RASSF8: variants seen among roughly 807,000 people sequenced by gnomAD.
The protein encoded by RASSF8 is ras association domain-containing protein 8.
RASSF8 carries 22 observed loss-of-function variants against 48.5 expected under a neutral mutation model. The ratio of observed to expected loss-of-function variants is 0.45; its 90% CI spans 0.32 to 0.65. RASSF8 has a LOEUF of 0.65. Ranked by LOEUF, RASSF8 falls within the 30% of genes least tolerant of loss-of-function variation. The pLI is 0.03. For missense variants in RASSF8, 418 were observed against 489.2 expected, an observed-to-expected ratio of 0.85 and a Z score of 1.37; for synonymous variants, 127 against 171.5, an observed-to-expected ratio of 0.74 and a Z score of 2.03.
Position 26,028,855 on chromosome 12 carries a change from TC to T in RASSF8, c.-108-26380del, listed in dbSNP as rs552285539. Among the ~76,000 whole-genome samples the T allele has an allele frequency of 1.3e-3, 204 of 152,328 alleles. 3 individuals are homozygous for T. In the Middle Eastern group the frequency reaches 0.037, roughly 28 times the overall value. The stretch of plus-strand genomic sequence containing the variant: ...CACTAGGATAGATTAAAGATCTCTT[TC>T]TCTCCAATTCTATTGTAAAAGTATA... On this transcript the variant is annotated intron_variant, in intron 2 of 5. Coordinates refer to ENST00000689635, the MANE Select transcript of RASSF8 (RefSeq NM_001394098.1).
At chr12:25,964,371 CAGCAAAATATTTTCTTACTCATT>C (rs1319664155) in intron 1 of RASSF8, among the ~76,000 whole-genome samples, 4 of 151,390 alleles carry the variant, frequency 2.6e-5, no homozygotes, top group African/African-American at 7.3e-5. Context: ...TTTATGTATG[CAGCAAAATATTTTCTTACTCATT>C]AGCATATGTT....
chr12:25,991,827 G>A (rs1942021788), intron 1 of RASSF8, among the ~76,000 whole-genome samples: 2 of 151,614 alleles, frequency 1.3e-5, no homozygotes, highest in Admixed American at 1.3e-4. Flanking sequence ...GAAAACCATT[G>A]GGGGCCATTG....
At chr12:25,986,231 T>C (rs907881158) in intron 1 of RASSF8, among the ~76,000 whole-genome samples, 1 of 152,134 alleles carries the variant, frequency 6.6e-6, no homozygotes, top group Non-Finnish European at 1.5e-5. Flanking sequence ...TTAGATCTTC[T>C]TCCTCCAGGC....
chr12:26,031,873 T>A (rs1943037247), intron 2 of RASSF8, among the ~76,000 whole-genome samples: 1 of 152,352 alleles, frequency 6.6e-6, no homozygotes, highest in Admixed American at 6.5e-5. Context: ...GATGCTTCAA[T>A]GGCTTAATCT....
intron 3 of RASSF8, 101 bp downstream of exon 3, chr12:26,055,547 GT>G (rs1294693423): frequency 4.7e-6 from 5 of 1,052,760 alleles, no homozygotes; most frequent in Non-Finnish European, 7.3e-6. Flanking sequence ...TGTTCATTTG[GT>G]TCCATAATAA....
chr12:25,971,153 A>C (rs557406293), intron 1 of RASSF8, among the ~76,000 whole-genome samples: 2 of 152,310 alleles, frequency 1.3e-5, no homozygotes, highest in African/African-American at 4.8e-5. Context: ...CAAGGAATGC[A>C]AGTTGGTTCT....
chr12:25,996,359 A>T (rs1177733896), intron 2 of RASSF8, among the ~76,000 whole-genome samples: 1 of 152,232 alleles, frequency 6.6e-6, no homozygotes, highest in Admixed American at 6.5e-5. Flanking sequence ...TTTGACTACC[A>T]TTACTGATGA....
At chr12:26,066,487 A>G (rs1000931348) in intron 4 of RASSF8, among the ~76,000 whole-genome samples, 1 of 152,140 alleles carries the variant, frequency 6.6e-6, no homozygotes, top group Non-Finnish European at 1.5e-5. Context: ...CTACCACCCA[A>G]ATTTTGAAAA....
chr12:26,056,271 TTTC>T (rs1485842198), intron 3 of RASSF8, among the ~76,000 whole-genome samples: 1 of 152,202 alleles, frequency 6.6e-6, no homozygotes, highest in Non-Finnish European at 1.5e-5. Context: ...TGTTTTACCC[TTTC>T]TTCTTATTTA....
chr12:25,988,473 C>T (rs1194715922), intron 1 of RASSF8, among the ~76,000 whole-genome samples: 1 of 152,012 alleles, frequency 6.6e-6, no homozygotes, highest in East Asian at 1.9e-4. Context: ...AGAAAAATTT[C>T]CAGGGTGATT....
intron 2 of RASSF8, among the ~76,000 whole-genome samples, chr12:26,040,427 A>G (rs1943239110): frequency 6.6e-6 from 1 of 152,212 alleles, no homozygotes; most frequent in Admixed American, 6.5e-5. Flanking sequence ...GGAGTGGTGA[A>G]GTGGCATCTT....
At chr12:25,971,446 C>A (rs551324858) in intron 1 of RASSF8, among the ~76,000 whole-genome samples, 12 of 152,142 alleles carry the variant, frequency 7.9e-5, no homozygotes, top group African/African-American at 2.9e-4. Flanking sequence ...TGGCACTGAT[C>A]ATCCTGTTGC....
chr12:26,076,886 G>A (rs1944077405), downstream of RASSF8, among the ~76,000 whole-genome samples: 1 of 152,204 alleles, frequency 6.6e-6, no homozygotes, highest in Admixed American at 6.5e-5. Flanking sequence ...CACCAACAGT[G>A]TAAAAGTGTT....
chr12:26,034,912 T>C (rs768502110), intron 2 of RASSF8, among the ~76,000 whole-genome samples: 1 of 152,124 alleles, frequency 6.6e-6, no homozygotes, highest in Non-Finnish European at 1.5e-5. Context: ...TGGTTTGTTG[T>C]AGACTGCTTT....
chr12:26,055,552 A>G (rs992998872), intron 3 of RASSF8, 106 bp downstream of exon 3: 58 of 985,566 alleles, frequency 5.9e-5, no homozygotes, highest in Non-Finnish European at 8.4e-5. Context: ...ATTTGGTTCC[A>G]TAATAAGTCT....
At chr12:26,045,408 CA>C (rs1210813614) in intron 2 of RASSF8, among the ~76,000 whole-genome samples, 1 of 152,182 alleles carries the variant, frequency 6.6e-6, no homozygotes, top group Non-Finnish European at 1.5e-5. Flanking sequence ...CACTCTGACT[CA>C]TGAGTCAGGG....
Position 26,069,199 on chromosome 12 carries a change from T to C in RASSF8, c.*381T>C. On this transcript the variant is annotated 3_prime_UTR_variant, in exon 6 of 6. Transcript: ENST00000689635. ...TTATTTCATGTAATCAATGTGTGAA[T>C]GTTGATGTTTTAATATTTTTATTGA... 1.0e-6 allele frequency: 1 copy of C among 986,534 alleles called. No homozygotes were observed. The highest frequency in any genetic ancestry group is 1.2e-6 in the Non-Finnish European group (1 of 830,172). 61.1% of individuals were successfully genotyped at this position (986,534 alleles called of 1,614,324 possible).
intron 2 of RASSF8, among the ~76,000 whole-genome samples, chr12:26,015,588 C>T (rs1028186403): frequency 6.6e-6 from 1 of 152,110 alleles, no homozygotes; most frequent in South Asian, 2.1e-4. Context: ...GTTTTGTGTA[C>T]GTCTTTAAAG....
rs571886926 is a variant in RASSF8, at chr12:26,071,045, A to C, written c.*2227A>C. ...GCTGCCAAATAATCTTCATAGACCT[A>C]ATTACAGATTTAAAAAAATTTCCTA... On this transcript the variant is annotated 3_prime_UTR_variant, in exon 6 of 6. Transcript: ENST00000689635. 2.0e-6 allele frequency: 2 copies of C among 984,886 alleles called. No individual in the cohort carries two copies. The highest frequency in any genetic ancestry group is 3.5e-5 in the African/African-American group (2 of 57,346). 61.0% of individuals were successfully genotyped at this position (984,886 alleles called of 1,614,324 possible). A position where few individuals can be genotyped will look rare whatever the true frequency, so the allele number is the denominator to read the frequency against.
Sources: gnomAD v4.1 joint callset for allele counts (sites outside exome capture counted in the v4.1 genomes callset) on GRCh38, gnomAD v4.1.1 for gene constraint, MANE v1.5 for transcripts, NCBI Gene and HGNC (gene_info 2026-07-23, HGNC 2026-07-21) for gene names.